Variants in NF1 observed in about 807,000 individuals in gnomAD.
NF1 encodes the protein neurofibromin 1, also known as neurofibromin.
A neutral mutation model predicts 325.7 loss-of-function variants in NF1; 122 were observed. The ratio of observed to expected loss-of-function variants is 0.37; its 90% CI spans 0.32 to 0.44. The LOEUF is 0.44. NF1 is among the 20% of genes least tolerant of loss of function. The pLI is 1.00. For synonymous variants in NF1, 1,091 were observed against 1,186.0 expected (o/e 0.92, Z 1.65); for missense variants, 2,140 against 3,415.4 (o/e 0.63, Z 9.31).
chr17:31,318,891 A>G, intron 36 of NF1: 1 of 1,614,102 alleles, frequency 6.2e-7, no homozygotes, highest in South Asian at 1.1e-5. Flanking sequence ...AATCCCAGGA[A>G]GAAGTACTGT....
At position 31,302,555 on chromosome 17, in the gene NF1, G is replaced by A. The variant is rs112633843; in HGVS notation, c.4836-23265G>A. Among the ~76,000 whole-genome samples the A allele has an allele frequency of 3.9e-3, 596 of 152,140 alleles. 6 individuals are homozygous for A. The highest frequency in any genetic ancestry group is 0.014 in the African/African-American group (567 of 41,516). ...GGGAAATTAGCTTTAAAAGTACTAA[G>A]TTTGGGCCGGGCACGGTGGCTCACG... On this transcript the variant is annotated intron_variant, in intron 36 of 57. Transcript: ENST00000358273.
intron 36 of NF1, among the ~76,000 whole-genome samples, chr17:31,312,203 A>G (rs1158644281): frequency 1.3e-5 from 2 of 152,102 alleles, no homozygotes; most frequent in Non-Finnish European, 2.9e-5. Flanking sequence ...TAGATTTGGG[A>G]CTAACCCTTT....
Position 31,095,134 on chromosome 17 carries a change from C to T in NF1, c.-176C>T, listed in dbSNP as rs1598173337. 5 of 441,368 alleles carry T rather than the reference C, an allele frequency of 1.1e-5. No individual in the cohort carries two copies. The East Asian group carries it at 2.5e-4, about 22-fold the overall frequency. The allele number at this position is 441,368 out of a possible 1,614,324, so 27.3% of individuals were successfully genotyped here. On this transcript the variant is annotated 5_prime_UTR_variant, in exon 1 of 58. Coordinates refer to ENST00000358273, the MANE Select transcript of NF1 (RefSeq NM_001042492.3). ...CTTGCCAACGCCCCCTTTCCCTCTC[C>T]CCCTCCCGCTCGGCGCTGACCCCCC... is the stretch of plus-strand genomic sequence containing the variant.
intron 16 of NF1, among the ~76,000 whole-genome samples, chr17:31,224,081 A>G (rs1235723872): frequency 6.6e-6 from 1 of 152,174 alleles, no homozygotes; most frequent in Non-Finnish European, 1.5e-5. Context: ...AGAATTATCT[A>G]TCAAGAAGCA....
At chr17:31,242,542 C>A (rs1234403616) in intron 29 of NF1, among the ~76,000 whole-genome samples, 6 of 151,998 alleles carry the variant, frequency 3.9e-5, no homozygotes, top group Non-Finnish European at 1.5e-5. Flanking sequence ...CTTGCTAATT[C>A]TTCTGCTTCA....
intron 31 of NF1, 117 bp downstream of exon 31, chr17:31,253,117 A>T (rs753913739): frequency 3.3e-5 from 26 of 778,808 alleles, no homozygotes; most frequent in Non-Finnish European, 3.9e-5. Flanking sequence ...AAATCATTCT[A>T]CTAATTCTGG....
At chr17:31,108,090 G>T (rs1470156999) in intron 1 of NF1, among the ~76,000 whole-genome samples, 2 of 150,838 alleles carry the variant, frequency 1.3e-5, no homozygotes, top group African/African-American at 2.4e-5. Flanking sequence ...TGGTGTTTGT[G>T]CTACTACACT....
At chr17:31,207,950 T>C (rs1445011464) in intron 12 of NF1, among the ~76,000 whole-genome samples, 1 of 152,136 alleles carries the variant, frequency 6.6e-6, no homozygotes, top group Non-Finnish European at 1.5e-5. Context: ...AATATCCACT[T>C]TACCAGCTGC....
chr17:31,199,257 A>G (rs138104865), intron 8 of NF1, among the ~76,000 whole-genome samples: 1 of 152,138 alleles, frequency 6.6e-6, no homozygotes, highest in Non-Finnish European at 1.5e-5. Context: ...ACTGCATCCT[A>G]TAAGTTTTAG....
At position 31,376,861 on chromosome 17, in the gene NF1, A is replaced by G; in HGVS notation, c.*2706A>G. On this transcript the variant is annotated 3_prime_UTR_variant, in exon 58 of 58. Transcript: ENST00000358273. ...CCCTTAGTTGCCCAGATGGAGATGC[A>G]GTTCAGTAGATTTGGGGCAAAGTGG... 1 of 233,234 alleles carries G rather than the reference A, an allele frequency of 4.3e-6. No individual in the cohort carries two copies. The highest frequency in any genetic ancestry group is 8.5e-6 in the Non-Finnish European group (1 of 118,028). 14.4% of individuals were successfully genotyped at this position (233,234 alleles called of 1,614,324 possible).
chr17:31,145,752 C>T (rs1916542344), intron 1 of NF1, among the ~76,000 whole-genome samples: 1 of 152,078 alleles, frequency 6.6e-6, no homozygotes, highest in Non-Finnish European at 1.5e-5. Flanking sequence ...TTTAAAAATT[C>T]TTCTGACTAA....
chr17:31,141,036 C>T (rs1916174152), intron 1 of NF1, among the ~76,000 whole-genome samples: 1 of 152,036 alleles, frequency 6.6e-6, no homozygotes, highest in Admixed American at 6.5e-5. Context: ...AACATGAAGA[C>T]TATAGTTAAT....
intron 57 of NF1, among the ~76,000 whole-genome samples, chr17:31,372,069 A>G (rs1329941645): frequency 3.3e-5 from 5 of 152,228 alleles, no homozygotes; most frequent in Non-Finnish European, 7.3e-5. Context: ...ATACTTCTTG[A>G]CTTGAAATAT....
At position 31,318,156 on chromosome 17, in the gene NF1, T is replaced by G. The variant is rs984520320; in HGVS notation, c.4836-7664T>G. The G allele has an allele frequency of 2.2e-5, 21 of 934,818 alleles. 1 individual carries two copies. In the African/African-American group the frequency reaches 3.5e-4, roughly 15 times the overall value. 57.9% of individuals were successfully genotyped at this position (934,818 alleles called of 1,614,324 possible). ...AGTTTAAATAATTAAGCAGGCATAC[T>G]TCTCCCTGTCTCACCTGCTTGATTC... On this transcript the variant is annotated intron_variant, in intron 36 of 57. Transcript: ENST00000358273.
intron 8 of NF1, among the ~76,000 whole-genome samples, chr17:31,192,179 C>T (rs999573139): frequency 2.0e-5 from 3 of 152,060 alleles, no homozygotes; most frequent in East Asian, 1.9e-4. Flanking sequence ...TATGTGTCCA[C>T]GAAAAGAGTC....
chr17:31,174,050 T>C (rs1407834590), intron 5 of NF1, among the ~76,000 whole-genome samples: 1 of 152,212 alleles, frequency 6.6e-6, no homozygotes, highest in Non-Finnish European at 1.5e-5. Context: ...GACACTTACA[T>C]AGATGTAATA....
At chr17:31,230,092 G>A in intron 22 of NF1, 118 bp downstream of exon 22, 1 of 1,418,384 alleles carries the variant, frequency 7.1e-7, no homozygotes. Flanking sequence ...ACACAAACTA[G>A]GGTGTGACAG....
intron 45 of NF1, 125 bp from the exon 46 acceptor site, chr17:31,338,579 G>A: frequency 4.2e-6 from 3 of 708,804 alleles, no homozygotes; most frequent in South Asian, 1.6e-5. Context: ...GATCACCATA[G>A]CATGAGAAAT....
chr17:31,204,084 T>C (rs1373810150), intron 11 of NF1, among the ~76,000 whole-genome samples: 4 of 152,272 alleles, frequency 2.6e-5, no homozygotes, highest in Non-Finnish European at 5.9e-5. Context: ...ATCTATGTTA[T>C]ATGCATAATC....
Sources: gnomAD v4.1 joint callset for allele counts (sites outside exome capture counted in the v4.1 genomes callset) on GRCh38, gnomAD v4.1.1 for gene constraint, MANE v1.5 for transcripts, NCBI Gene and HGNC (gene_info 2026-07-23, HGNC 2026-07-21) for gene names.